PAK4: variants seen among roughly 807,000 people sequenced by gnomAD.
PAK4 encodes the protein serine/threonine-protein kinase PAK 4.
PAK4 carries 49 observed loss-of-function variants against 53.5 expected under a neutral mutation model. That is an observed-to-expected ratio of 0.92 (90% CI 0.73 to 1.16). PAK4 has a LOEUF of 1.16. Ranked by LOEUF, PAK4 falls within the 50% of genes most tolerant of loss-of-function variation. The probability of loss-of-function intolerance (pLI) is 0.00; values close to 1 mark genes in which losing one functional copy is unlikely to be tolerated. For synonymous variants in PAK4, 376 were observed against 375.6 expected, an observed-to-expected ratio of 1.00 and a Z score of -0.01; for missense variants, 824 against 850.7, an observed-to-expected ratio of 0.97 and a Z score of 0.39.
chr19:39,149,309 A>G (rs760378303), intron 1 of PAK4, among the ~76,000 whole-genome samples: 7 of 152,274 alleles, frequency 4.6e-5, no homozygotes, highest in Non-Finnish European at 8.8e-5. Context: ...TTATTCAGCC[A>G]TAAAAAGGAA....
At chr19:39,169,820 A>G (rs1296196625) in intron 2 of PAK4, 63 bp downstream of exon 3, 40 of 1,094,208 alleles carry the variant, frequency 3.7e-5, no homozygotes, top group Middle Eastern at 3.0e-4. Context: ...CCTGGCCCTC[A>G]ACCCCACACT....
chr19:39,126,725 G>A (rs753606356), intron 1 of PAK4, among the ~76,000 whole-genome samples: 8 of 152,234 alleles, frequency 5.3e-5, no homozygotes, highest in Non-Finnish European at 7.4e-5. Context: ...CTGGCCGACC[G>A]CCTCTCAAAT....
chr19:39,149,188 T>G (rs761742561), intron 1 of PAK4, among the ~76,000 whole-genome samples: 2 of 152,206 alleles, frequency 1.3e-5, no homozygotes, highest in Non-Finnish European at 2.9e-5. Flanking sequence ...AACAGATATT[T>G]GTACACCCAG....
intron 1 of PAK4, among the ~76,000 whole-genome samples, chr19:39,163,542 G>T (rs552365593): frequency 1.0e-3 from 156 of 152,272 alleles, no homozygotes; most frequent in African/African-American, 3.7e-3. Context: ...CCCAGAAAAG[G>T]TCAGAGGATG....
In PAK4 at chr19:39,173,217, G is replaced by A. The variant is rs1321621770; in HGVS notation, c.504G>A (p.Gly168=). 1.3e-6 allele frequency: 2 copies of A among 1,558,800 alleles called. No individual in the cohort carries two copies. Among genetic ancestry groups the A allele is most frequent in the Non-Finnish European group, 1.7e-6 (2 of 1,151,474 alleles). The change falls in exon 3 of 9, where the codon GGG becomes GGA. Residue 168 remains glycine, a synonymous_variant. Coordinates refer to ENST00000358301, the Ensembl canonical transcript of PAK4. This position sits in a 1 kb window ranked among gnomAD's most constrained non-coding sequence, Gnocchi z 6.9. ...CCAAGTCTTCCAGGGAGGGCTCAGG[G>A]GGTCCCCAGGAGTCCTCCCGGGACA...
intron 1 of PAK4, chr19:39,152,153 C>G (rs1435445924): frequency 2.0e-5 from 3 of 150,456 alleles, no homozygotes; most frequent in Non-Finnish European, 4.4e-5. Context: ...CAGCTGGTCT[C>G]GAACTCCTGG....
chr19:39,151,931 G>C (rs1387445194), intron 1 of PAK4, among the ~76,000 whole-genome samples: 1 of 152,112 alleles, frequency 6.6e-6, no homozygotes, highest in African/African-American at 2.4e-5. Flanking sequence ...ACCACGCGCA[G>C]CTAATTTTTG....
chr19:39,166,607 T>A (rs987369774), intron 1 of PAK4, among the ~76,000 whole-genome samples: 9 of 152,190 alleles, frequency 5.9e-5, no homozygotes, highest in Non-Finnish European at 1.5e-5. Context: ...AGTGAGGTCA[T>A]ATAGGGCCAG....
intron 1 of PAK4, among the ~76,000 whole-genome samples, chr19:39,166,032 C>T (rs555884493): frequency 2.6e-5 from 4 of 152,354 alleles, no homozygotes; most frequent in African/African-American, 9.6e-5. Flanking sequence ...TCAGTAAGTG[C>T]TGGCTGCTAT....
At position 39,171,030 on chromosome 19, in the gene PAK4, G is replaced by A. The variant is rs192679801; in HGVS notation, c.204+1273G>A. On this transcript the variant is annotated intron_variant, in intron 2 of 8. Transcript: ENST00000358301. ...CCACCAAGGTGTCTCCAAAAACCCA[G>A]CCCCTGCCTGGCTTGCCAGATGTGA... 4.4e-3 allele frequency among the ~76,000 whole-genome samples: 676 copies of A among 152,284 alleles called. 7 individuals are homozygous for A. The highest frequency in any genetic ancestry group is 0.015 in the African/African-American group (644 of 41,564).
intron 1 of PAK4, among the ~76,000 whole-genome samples, chr19:39,165,158 A>C (rs1342498924): frequency 2.1e-5 from 3 of 145,636 alleles, no homozygotes; most frequent in African/African-American, 7.5e-5. Flanking sequence ...GGGAGAGGGG[A>C]GGCCAGGACC....
intron 7 of PAK4, among the ~76,000 whole-genome samples, chr19:39,176,951 C>T (rs1261532105): frequency 6.6e-6 from 1 of 152,086 alleles, no homozygotes; most frequent in Non-Finnish European, 1.5e-5. Context: ...TCACTGCAAC[C>T]TCCACCTCCC....
At chr19:39,132,685 G>A (rs902707569) in intron 1 of PAK4, among the ~76,000 whole-genome samples, 1 of 152,236 alleles carries the variant, frequency 6.6e-6, no homozygotes, top group Non-Finnish European at 1.5e-5. Flanking sequence ...TGGCCTCGTG[G>A]TCTGAGACAG....
chr19:39,176,220 A>G (rs900376040), intron 6 of PAK4, among the ~76,000 whole-genome samples: 3 of 152,164 alleles, frequency 2.0e-5, no homozygotes, highest in South Asian at 2.1e-4. Flanking sequence ...TTCTGCTCCA[A>G]CCGAACTAAA....
At chr19:39,180,804 T>C (rs8101444), downstream of PAK4, 60,040 of 152,032 alleles carry the variant, frequency 0.39, 12,050 homozygotes, top group African/African-American at 0.45. Context: ...GTGAACAAGT[T>C]GTTCCAGAAA....
intron 1 of PAK4, among the ~76,000 whole-genome samples, chr19:39,145,310 G>T (rs1259044560): frequency 6.6e-6 from 1 of 152,224 alleles, no homozygotes; most frequent in African/African-American, 2.4e-5. Flanking sequence ...TGTTCTGCAG[G>T]ATTTTAAACT....
chr19:39,169,495 C>A, intron 1 of PAK4, 37 bp from the exon 3 acceptor site: 2 of 1,417,242 alleles, frequency 1.4e-6, no homozygotes, highest in Non-Finnish European at 2.0e-6. Context: ...GAGACATGGG[C>A]AGGCTCTCAC....
rs762988217 is a variant in PAK4, at chr19:39,173,934, G to A, written c.1022G>A (p.Arg341His). The change falls in exon 4 of 9, where the codon CGC becomes CAC. Residue 341 changes from arginine to histidine, a missense_variant. Physicochemically the swap from Arg to His is conservative, Grantham distance 29 (BLOSUM62 0). Coordinates refer to ENST00000358301, the Ensembl canonical transcript of PAK4. This position sits in a 1 kb window ranked among gnomAD's most constrained non-coding sequence, Gnocchi z 6.9. ...GGCATCGTGTGCATCGCCACCGTGC[G>A]CAGCTCGGGCAAGCTGGTGGCCGTC... 99 of 1,611,112 alleles carry A rather than the reference G, an allele frequency of 6.1e-5. 1 individual carries two copies. The South Asian group carries it at 8.3e-4, about 13-fold the overall frequency.
intron 1 of PAK4, chr19:39,136,466 C>T (rs557121884): frequency 6.6e-6 from 1 of 152,328 alleles, no homozygotes; most frequent in Admixed American, 6.5e-5. Flanking sequence ...GCAGCACCCT[C>T]CTTCCTTCTG....
Sources: gnomAD v4.1 joint callset for allele counts (sites outside exome capture counted in the v4.1 genomes callset) on GRCh38, gnomAD v4.1.1 for gene constraint, Gnocchi (gnomAD v3.1) non-coding constraint, MANE v1.5 for transcripts, NCBI Gene and HGNC (gene_info 2026-07-23, HGNC 2026-07-21) for gene names.